The following CEACAM21 variants were observed in gnomAD, a reference collection of about 807,000 sequenced individuals.
The protein encoded by CEACAM21 is cell adhesion molecule CEACAM21.
CEACAM21 carries 38 observed loss-of-function variants against 33.2 expected under a neutral mutation model. That is an observed-to-expected ratio of 1.14 (90% CI 0.88 to 1.50). The LOEUF (loss-of-function observed/expected upper bound fraction) is 1.50. Among genes scored for constraint, CEACAM21 ranks in the 40% most tolerant of loss-of-function variants. The pLI, the probability that CEACAM21 is intolerant of heterozygous loss-of-function variation, is 0.00. For missense variants in CEACAM21, 385 were observed against 364.6 expected, an observed-to-expected ratio of 1.06 and a Z score of -0.46; for synonymous variants, 156 against 143.0, an observed-to-expected ratio of 1.09 and a Z score of -0.65.
At chr19:41,583,256 A>T (rs1276482746) in intron 3 of CEACAM21, among the ~76,000 whole-genome samples, 2 of 152,068 alleles carry the variant, frequency 1.3e-5, no homozygotes, top group Non-Finnish European at 2.9e-5. Flanking sequence ...GAAGTTCCTC[A>T]TCTCTGTCTG....
In CEACAM21 at chr19:41,564,056, G is replaced by C. The variant is rs969029095; in HGVS notation, c.-778-626G>C. ...ATGGCAACAACACATCATCACCAGG[G>C]TAAACCTAGCCTGTCTCACCTGGTC... On this transcript the variant is annotated intron_variant, in intron 1 of 7. Coordinates refer to the CEACAM21 transcript ENST00000407170. Among the ~76,000 whole-genome samples the C allele has an allele frequency of 2.0e-5, 3 of 152,190 alleles. No individual in the cohort carries two copies. In the East Asian group the frequency reaches 5.8e-4, roughly 29 times the overall value.
At chr19:41,584,287 C>A in intron 3 of CEACAM21, 60 bp from the exon 4 acceptor site, 2 of 1,420,970 alleles carry the variant, frequency 1.4e-6, no homozygotes, top group Non-Finnish European at 2.0e-6. Context: ...CCCTGCAAGG[C>A]CCCTCATGGT....
Position 41,577,446 on chromosome 19 carries a change from G to T in CEACAM21, c.311G>T (p.Ser104Ile). 1 of 1,614,146 alleles carries T rather than the reference G, an allele frequency of 6.2e-7. No homozygotes were observed. Among genetic ancestry groups the T allele is most frequent in the Non-Finnish European group, 8.5e-7 (1 of 1,180,034 alleles). ...AGCGGTCGAGAGACAATATCACCCA[G>T]TGGAGATCTGCATTTCCAGAACGTC... ...AYSGRETISP[S>I]GDLHFQNVTL... Residue 104 changes from serine (S) to isoleucine (I), a missense_variant, in exon 2 of 7, where the codon AGT becomes ATT. Physicochemically the swap from Ser to Ile is moderately radical, Grantham distance 142. Coordinates refer to ENST00000401445, the MANE Select transcript of CEACAM21 (RefSeq NM_001098506.4).
chr19:41,562,734 C>CT lies in CEACAM21; in HGVS notation c.-778-1937dup, dbSNP rs59956903. Among the ~76,000 whole-genome samples the CT allele has an allele frequency of 4.6e-3, 669 of 146,630 alleles. 4 individuals are homozygous for CT. The highest frequency in any genetic ancestry group is 5.7e-3 in the Non-Finnish European group (374 of 66,116). ...TTTGAAAATTCAGTATTTCTTTTTT[C>CT]TTTTTTTTTTTGGAGACAGAGTCTG... On this transcript the variant is annotated intron_variant, in intron 1 of 7. Coordinates refer to the CEACAM21 transcript ENST00000407170.
In CEACAM21 at chr19:41,566,097, AC is replaced by A. The variant is rs539343886; in HGVS notation, c.-404+1044del. The stretch of plus-strand genomic sequence containing the variant: ...GCAAATTCAGGGTAATTGCTGAAAG[AC>A]CCACCAAAGGATCTCCAAGATACAA... On this transcript the variant is annotated intron_variant, in intron 2 of 7. Coordinates refer to the CEACAM21 transcript ENST00000407170. 2.0e-4 allele frequency among the ~76,000 whole-genome samples: 31 copies of A among 152,206 alleles called. No individual in the cohort carries two copies. The South Asian group carries it at 4.8e-3, about 23-fold the overall frequency.
chr19:41,555,708 G>A (rs782777368), intron 1 of CEACAM21, among the ~76,000 whole-genome samples: 13 of 149,228 alleles, frequency 8.7e-5, no homozygotes, highest in Non-Finnish European at 1.8e-4. Context: ...AAGGCTAGTA[G>A]CACAGCAACA....
At chr19:41,585,120 G>T (rs1360857881) in intron 4 of CEACAM21, among the ~76,000 whole-genome samples, 2 of 152,090 alleles carry the variant, frequency 1.3e-5, no homozygotes, top group Admixed American at 6.5e-5. Context: ...CTTTCCCCCT[G>T]GTGCCTTGAC....
At chr19:41,562,073 C>A (rs560593648) in intron 1 of CEACAM21, among the ~76,000 whole-genome samples, 10 of 152,146 alleles carry the variant, frequency 6.6e-5, no homozygotes, top group Admixed American at 4.6e-4. Flanking sequence ...TGGTGAAACC[C>A]CATCTGTACT....
At chr19:41,585,807 C>T (rs2070695244) in intron 5 of CEACAM21, 33 bp from the exon 6 acceptor site, 7 of 1,608,056 alleles carry the variant, frequency 4.4e-6, no homozygotes, top group Non-Finnish European at 5.9e-6. Context: ...GCTATCCTAA[C>T]ACTCTCGTGC....
intron 1 of CEACAM21, among the ~76,000 whole-genome samples, chr19:41,553,952 G>A (rs1555784976): frequency 6.6e-6 from 1 of 151,210 alleles, no homozygotes; most frequent in Non-Finnish European, 1.5e-5. Context: ...CAAATTCTGG[G>A]GAAATCGGGT....
At chr19:41,554,932 C>A (rs782232041) in intron 1 of CEACAM21, 2 of 152,002 alleles carry the variant, frequency 1.3e-5, no homozygotes, top group Non-Finnish European at 2.9e-5. Flanking sequence ...TAAAGCAATT[C>A]TTTAACCTTT....
upstream of CEACAM21, chr19:41,576,118 G>T: frequency 1.3e-6 from 1 of 758,620 alleles, no homozygotes; most frequent in Non-Finnish European, 2.2e-6. Context: ...GCAGAGCCCC[G>T]CCCTTGCCCA....
chr19:41,585,399 A>G, intron 4 of CEACAM21, 44 bp from the exon 5 acceptor site: 3 of 1,607,304 alleles, frequency 1.9e-6, no homozygotes, highest in East Asian at 4.5e-5. Flanking sequence ...CCAATTTGTG[A>G]CTTTTAACCT....
intron 3 of CEACAM21, among the ~76,000 whole-genome samples, chr19:41,583,654 G>T (rs188606250): frequency 6.6e-6 from 1 of 151,850 alleles, no homozygotes; most frequent in Admixed American, 6.5e-5. Flanking sequence ...GTGTAGGGAA[G>T]CTTCCCTTTA....
chr19:41,579,432 A>G lies in CEACAM21; in HGVS notation c.504A>G (p.Thr168=), dbSNP rs200158207. Residue 168 remains threonine (T), a synonymous_variant, in exon 3 of 7, where the codon ACA becomes ACG. Coordinates refer to ENST00000401445, the MANE Select transcript of CEACAM21 (RefSeq NM_001098506.4). ...GCTCCGTGGTCCTGACCTGCCACAC[A>G]AATAACACTGGAACCTCTTTCCAGT... ...EKGSVVLTCH[T]NNTGTSFQWI... is the part of the protein sequence containing the mutation. The G allele has an allele frequency of 4.2e-5, 68 of 1,613,920 alleles. No individual in the cohort carries two copies. In the African/African-American group the frequency reaches 4.8e-4, roughly 11 times the overall value.
At chr19:41,558,247 A>G (rs2041659081) in intron 1 of CEACAM21, among the ~76,000 whole-genome samples, 1 of 152,262 alleles carries the variant, frequency 6.6e-6, no homozygotes, top group Non-Finnish European at 1.5e-5. Context: ...GGCAAAACAC[A>G]TAGATGAAAT....
At chr19:41,585,358 T>C (rs1441612728) in intron 4 of CEACAM21, 85 bp from the exon 5 acceptor site, 5 of 1,420,794 alleles carry the variant, frequency 3.5e-6, no homozygotes, top group Admixed American at 1.7e-5. Context: ...CTCTTGGAAA[T>C]AGGCTCCTTT....
upstream of CEACAM21, among the ~76,000 whole-genome samples, chr19:41,573,297 C>G (rs184822040): frequency 6.6e-6 from 1 of 152,334 alleles, no homozygotes; most frequent in Admixed American, 6.5e-5. Context: ...ACATGGAATA[C>G]TCGGGGCCTC....
At chr19:41,556,521 T>G (rs1465476745) in intron 1 of CEACAM21, among the ~76,000 whole-genome samples, 2 of 152,160 alleles carry the variant, frequency 1.3e-5, no homozygotes, top group South Asian at 2.1e-4. Flanking sequence ...AAAAGAAAAA[T>G]AAAACCTTCC....
Sources: allele counts gnomAD v4.1 joint callset (sites outside exome capture counted in the v4.1 genomes callset), GRCh38; gene constraint gnomAD v4.1.1; transcripts MANE v1.5; gene names NCBI Gene and HGNC (gene_info 2026-07-23, HGNC 2026-07-21).